ZFYVE1: variants seen among roughly 807,000 people sequenced by gnomAD.
ZFYVE1 encodes the protein zinc finger FYVE domain-containing protein 1.
ZFYVE1 carries 30 observed loss-of-function variants against 74.4 expected under a neutral mutation model. The observed-to-expected ratio is 0.40, with a 90% confidence interval of 0.30 to 0.55. The LOEUF (loss-of-function observed/expected upper bound fraction) is 0.55. ZFYVE1 is among the 20% of genes least tolerant of loss of function. The probability of loss-of-function intolerance (pLI) is 0.42; values close to 1 mark genes in which losing one functional copy is unlikely to be tolerated. For synonymous variants in ZFYVE1, 335 were observed against 385.1 expected (o/e 0.87, Z 1.52); for missense variants, 703 against 1,011.6 (o/e 0.69, Z 4.14).
intron 1 of ZFYVE1, among the ~76,000 whole-genome samples, chr14:73,026,599 T>G (rs1005608888): frequency 6.6e-6 from 1 of 152,014 alleles, no homozygotes; most frequent in Admixed American, 6.5e-5. Context: ...CGCCCGGCCA[T>G]GTCAACCAAA....
chr14:72,980,061 T>A (rs1183195258), intron 5 of ZFYVE1, among the ~76,000 whole-genome samples: 1 of 152,168 alleles, frequency 6.6e-6, no homozygotes, highest in African/African-American at 2.4e-5. Flanking sequence ...GCTGGGCTCA[T>A]GGGGCATGCA....
At chr14:72,981,368 G>A (rs955248674) in intron 5 of ZFYVE1, among the ~76,000 whole-genome samples, 71 of 152,178 alleles carry the variant, frequency 4.7e-4, no homozygotes, top group African/African-American at 1.6e-3. Context: ...AATCAATACC[G>A]ACCCATAGTG....
chr14:73,007,174 A>G (rs1455419307), intron 2 of ZFYVE1, among the ~76,000 whole-genome samples: 5 of 152,108 alleles, frequency 3.3e-5, no homozygotes. Context: ...CTCTGTTCCA[A>G]GGAGGCCTGA....
At position 72,970,802 on chromosome 14, in the gene ZFYVE1, G is replaced by A; in HGVS notation, c.*80C>T. The A allele has an allele frequency of 6.9e-7, 1 of 1,442,006 alleles. No individual in the cohort carries two copies. Among genetic ancestry groups the A allele is most frequent in the African/African-American group, 1.4e-5 (1 of 71,492 alleles). 89.3% of individuals were successfully genotyped at this position (1,442,006 alleles called of 1,614,324 possible). A position where few individuals can be genotyped will look rare whatever the true frequency, so the allele number is the denominator to read the frequency against. Reference sequence around the variant, plus strand: ...GGACACACACCACAGCAGGTGACTGGGAGGAGGGCCTACCTCGCAAGACTG... The same window carrying A: ...GGACACACACCACAGCAGGTGACTGAGAGGAGGGCCTACCTCGCAAGACTG... On this transcript the variant is annotated 3_prime_UTR_variant, in exon 12 of 12. Transcript: ENST00000556143.
At chr14:73,021,784 G>GA (rs899620920) in intron 2 of ZFYVE1, among the ~76,000 whole-genome samples, 7 of 149,810 alleles carry the variant, frequency 4.7e-5, no homozygotes, top group Non-Finnish European at 8.9e-5. Flanking sequence ...TTACATTCAA[G>GA]AAAAAAAAAG....
chr14:72,983,045 ATTTT>A (rs1893378691), intron 4 of ZFYVE1, among the ~76,000 whole-genome samples: 3 of 152,196 alleles, frequency 2.0e-5, no homozygotes, highest in African/African-American at 7.2e-5. Flanking sequence ...AGGTTTCACC[ATTTT>A]GGCCAGGCTG....
At chr14:73,012,442 T>A (rs1894110069) in intron 2 of ZFYVE1, among the ~76,000 whole-genome samples, 1 of 152,094 alleles carries the variant, frequency 6.6e-6, no homozygotes, top group South Asian at 2.1e-4. Flanking sequence ...ACTAATGTCA[T>A]GAAACCCTGT....
chr14:73,026,098 A>C (rs2140396370), intron 1 of ZFYVE1, among the ~76,000 whole-genome samples: 1 of 151,822 alleles, frequency 6.6e-6, no homozygotes, highest in East Asian at 1.9e-4. Flanking sequence ...CAATTTTTTT[A>C]CACTGTAATT....
At chr14:73,020,446 G>C (rs559982551) in intron 2 of ZFYVE1, among the ~76,000 whole-genome samples, 1 of 151,942 alleles carries the variant, frequency 6.6e-6, no homozygotes, top group Admixed American at 6.6e-5. Flanking sequence ...TCCACTTCCC[G>C]GGTTCATGCG....
intron 2 of ZFYVE1, among the ~76,000 whole-genome samples, chr14:72,999,824 C>A (rs1425688603): frequency 2.0e-5 from 3 of 152,176 alleles, no homozygotes; most frequent in Non-Finnish European, 2.9e-5. Flanking sequence ...CTTTGGGAGG[C>A]CCAGAGGGGC....
chr14:72,981,334 CT>C (rs1183326029), intron 5 of ZFYVE1, among the ~76,000 whole-genome samples: 1 of 152,168 alleles, frequency 6.6e-6, no homozygotes, highest in African/African-American at 2.4e-5. Flanking sequence ...AACATTTCCC[CT>C]AATAGTGAAA....
At position 72,975,104 on chromosome 14, in the gene ZFYVE1, G is replaced by A. The variant is rs928443058; in HGVS notation, c.1807-145C>T. On this transcript the variant is annotated intron_variant, in intron 9 of 11. Coordinates refer to ENST00000556143, the MANE Select transcript of ZFYVE1 (RefSeq NM_021260.4). The surrounding 1 kb of genome is among the most constrained non-coding windows in gnomAD (Gnocchi z 4.1). Reference sequence around the variant, plus strand: ...AAGGACAAGAGCTTTCTAGTAACGCGTTATCTGAGAATGGAAAGGAAGCCT... The same window carrying A: ...AAGGACAAGAGCTTTCTAGTAACGCATTATCTGAGAATGGAAAGGAAGCCT... 1.9e-5 allele frequency: 16 copies of A among 827,584 alleles called. No individual in the cohort carries two copies. The highest frequency in any genetic ancestry group is 1.7e-4 in the East Asian group (6 of 36,246). 51.3% of individuals were successfully genotyped at this position (827,584 alleles called of 1,614,324 possible).
intron 2 of ZFYVE1, among the ~76,000 whole-genome samples, chr14:73,002,503 CAT>C (rs1417513166): frequency 2.6e-5 from 4 of 151,782 alleles, no homozygotes; most frequent in East Asian, 1.9e-4. Context: ...AGTGCAGTGG[CAT>C]GATCTTGGCT....
chr14:73,005,057 T>TA (rs1893949960), intron 2 of ZFYVE1, among the ~76,000 whole-genome samples: 1 of 150,864 alleles, frequency 6.6e-6, no homozygotes, highest in Non-Finnish European at 1.5e-5. Context: ...AATAAACAGA[T>TA]ACGCAGGAAA....
chr14:73,002,465 C>T (rs1188008579), intron 2 of ZFYVE1, among the ~76,000 whole-genome samples: 8 of 3,542 alleles, frequency 2.3e-3, no homozygotes, highest in Non-Finnish European at 8.9e-3. Context: ...TTTTTTGAGA[C>T]GGAGTTTTTG....
At chr14:73,013,949 C>A (rs1894141754) in intron 2 of ZFYVE1, among the ~76,000 whole-genome samples, 1 of 152,110 alleles carries the variant, frequency 6.6e-6, no homozygotes, top group Non-Finnish European at 1.5e-5. Context: ...TGGATAAACT[C>A]AAGGGTGGTT....
chr14:72,988,016 G>T (rs1250228091), intron 4 of ZFYVE1, among the ~76,000 whole-genome samples: 1 of 152,106 alleles, frequency 6.6e-6, no homozygotes, highest in East Asian at 1.9e-4. Flanking sequence ...GTGCATGCAT[G>T]TGTGCACACC....
chr14:73,006,308 C>G (rs1445983230), intron 2 of ZFYVE1, among the ~76,000 whole-genome samples: 2 of 151,992 alleles, frequency 1.3e-5, no homozygotes, highest in Non-Finnish European at 2.9e-5. Flanking sequence ...GGCGTGGTGG[C>G]TCACGCCTGT....
chr14:72,991,192 T>A, intron 4 of ZFYVE1, among the ~76,000 whole-genome samples: 1 of 143,772 alleles, frequency 7.0e-6, no homozygotes, highest in East Asian at 2.0e-4. Context: ...TATTTTTTTT[T>A]TTTTTTTTTT....
Sources: gnomAD v4.1 joint callset for allele counts (sites outside exome capture counted in the v4.1 genomes callset) on GRCh38, gnomAD v4.1.1 for gene constraint, Gnocchi (gnomAD v3.1) non-coding constraint, MANE v1.5 for transcripts, NCBI Gene and HGNC (gene_info 2026-07-23, HGNC 2026-07-21) for gene names.